Variants in ROBO2 observed in about 807,000 individuals in gnomAD.
ROBO2 encodes the protein roundabout guidance receptor 2.
In ROBO2, 53 loss-of-function variants were observed where a neutral mutation model predicts 160.8. That is an observed-to-expected ratio of 0.33 (90% CI 0.26 to 0.41). ROBO2 has a LOEUF of 0.41. Among genes scored for constraint, ROBO2 ranks in the 10% least tolerant of loss-of-function variants. The probability of loss-of-function intolerance (pLI) is 1.00; values close to 1 mark genes in which losing one functional copy is unlikely to be tolerated. For synonymous variants in ROBO2, 664 were observed against 611.7 expected, an observed-to-expected ratio of 1.09 and a Z score of -1.26; for missense variants, 1,577 against 1,722.4, an observed-to-expected ratio of 0.92 and a Z score of 1.49.
chr3:76,760,563 C>T (rs755293837), intron 2 of ROBO2, among the ~76,000 whole-genome samples: 1 of 151,646 alleles, frequency 6.6e-6, no homozygotes, highest in Non-Finnish European at 1.5e-5. Context: ...AGAGAGATCC[C>T]CAACCAGCTG....
At chr3:76,446,781 G>A (rs1307543563) in intron 2 of ROBO2, among the ~76,000 whole-genome samples, 1 of 152,140 alleles carries the variant, frequency 6.6e-6, no homozygotes, top group African/African-American at 2.4e-5. Flanking sequence ...AGAAAAACAA[G>A]CAATGGGGAA....
intron 2 of ROBO2, among the ~76,000 whole-genome samples, chr3:76,267,106 G>A (rs973129141): frequency 3.9e-5 from 6 of 152,084 alleles, no homozygotes; most frequent in Non-Finnish European, 7.4e-5. Context: ...TATCCCTGCT[G>A]TTCATTCACA....
At chr3:76,214,074 G>C (rs1416269209) in intron 2 of ROBO2, among the ~76,000 whole-genome samples, 1 of 152,118 alleles carries the variant, frequency 6.6e-6, no homozygotes. Context: ...CCTTAGCTCA[G>C]TCAAGTTGAC....
At chr3:76,184,808 C>A (rs1701666891) in intron 2 of ROBO2, among the ~76,000 whole-genome samples, 1 of 152,044 alleles carries the variant, frequency 6.6e-6, no homozygotes. Context: ...GTTCTGGACT[C>A]CAAAGGCTGA....
chr3:77,038,725 C>G (rs762886482), upstream of ROBO2, among the ~76,000 whole-genome samples: 3 of 152,200 alleles, frequency 2.0e-5, no homozygotes, highest in Non-Finnish European at 4.4e-5. Flanking sequence ...GGGGCACCGC[C>G]GACACCGGCA....
chr3:76,938,367 C>CG (rs1553699206), intron 2 of ROBO2, among the ~76,000 whole-genome samples: 1 of 145,718 alleles, frequency 6.9e-6, no homozygotes, highest in Admixed American at 6.7e-5. Flanking sequence ...CTACCCCCCC[C>CG]AAAAAAGGCT....
At chr3:76,073,539 C>T in intron 2 of ROBO2, among the ~76,000 whole-genome samples, 1 of 151,946 alleles carries the variant, frequency 6.6e-6, no homozygotes, top group East Asian at 1.9e-4. Context: ...GATCCACCCG[C>T]CTCAGCCTCC....
At chr3:76,962,106 G>A (rs2079707003) in intron 2 of ROBO2, among the ~76,000 whole-genome samples, 1 of 152,060 alleles carries the variant, frequency 6.6e-6, no homozygotes, top group African/African-American at 2.4e-5. Flanking sequence ...AGTCCAAGAC[G>A]GGTGAATTAC....
intron 2 of ROBO2, among the ~76,000 whole-genome samples, chr3:76,003,322 A>G (rs1434581118): frequency 3.3e-5 from 5 of 152,264 alleles, no homozygotes; most frequent in African/African-American, 1.2e-4. Context: ...GGCTCTTTCA[A>G]TTTATACTGT....
At chr3:77,152,855 T>A (rs1211575852) in intron 2 of ROBO2, among the ~76,000 whole-genome samples, 4 of 152,210 alleles carry the variant, frequency 2.6e-5, no homozygotes, top group African/African-American at 9.6e-5. Context: ...GTGCAACTAT[T>A]TCAGTTATCT....
At chr3:76,759,652 T>G (rs1183973483) in intron 2 of ROBO2, among the ~76,000 whole-genome samples, 1 of 151,770 alleles carries the variant, frequency 6.6e-6, no homozygotes, top group Non-Finnish European at 1.5e-5. Flanking sequence ...TTCAGAAATG[T>G]CTGTCTCCTC....
chr3:77,397,150 CT>C (rs571146938), intron 2 of ROBO2, among the ~76,000 whole-genome samples: 73 of 152,132 alleles, frequency 4.8e-4, no homozygotes, highest in African/African-American at 1.6e-3. Flanking sequence ...GAAAAAATTG[CT>C]CTCTCACCCA....
chr3:77,036,936 G>A (rs2063671850), upstream of ROBO2, among the ~76,000 whole-genome samples: 1 of 150,720 alleles, frequency 6.6e-6, no homozygotes, highest in African/African-American at 2.4e-5. Context: ...AGATTTTAAA[G>A]ACTTTCCTTT....
intron 2 of ROBO2, among the ~76,000 whole-genome samples, chr3:76,511,971 T>C (rs2081114878): frequency 6.6e-6 from 1 of 152,130 alleles, no homozygotes. Context: ...ATGACCATGT[T>C]AACAGTGCCT....
At chr3:76,300,107 A>C (rs565894151) in intron 2 of ROBO2, among the ~76,000 whole-genome samples, 12 of 152,222 alleles carry the variant, frequency 7.9e-5, no homozygotes, top group African/African-American at 2.9e-4. Flanking sequence ...TTAGGATTAC[A>C]CAATGCCAAA....
At chr3:76,192,408 A>C (rs1212014412) in intron 2 of ROBO2, among the ~76,000 whole-genome samples, 3 of 152,042 alleles carry the variant, frequency 2.0e-5, no homozygotes, top group African/African-American at 7.2e-5. Flanking sequence ...AAAAATAAAT[A>C]AATAAAAATA....
intron 1 of ROBO2, among the ~76,000 whole-genome samples, chr3:77,086,711 T>C (rs2069372570): frequency 6.6e-6 from 1 of 152,160 alleles, no homozygotes; most frequent in Non-Finnish European, 1.5e-5. Flanking sequence ...AGTCATTGTG[T>C]GCATCCCTTG....
chr3:76,046,605 G>A (rs1206538728), intron 2 of ROBO2, among the ~76,000 whole-genome samples: 1 of 151,816 alleles, frequency 6.6e-6, no homozygotes, highest in Non-Finnish European at 1.5e-5. Flanking sequence ...CCGAGATCGC[G>A]CCACTGCACT....
intron 2 of ROBO2, among the ~76,000 whole-genome samples, chr3:77,225,161 A>G (rs578153294): frequency 6.6e-6 from 1 of 152,006 alleles, no homozygotes; most frequent in South Asian, 2.1e-4. Flanking sequence ...TTTCACTGCT[A>G]TATACTTCAT....
Sources: gnomAD v4.1 joint callset for allele counts (sites outside exome capture counted in the v4.1 genomes callset) on GRCh38, gnomAD v4.1.1 for gene constraint, MANE v1.5 for transcripts, NCBI Gene and HGNC (gene_info 2026-07-23, HGNC 2026-07-21) for gene names.